Variants in COLEC10 observed in about 807,000 individuals in gnomAD.
COLEC10 encodes the protein collectin subfamily member 10.
In COLEC10, 22 loss-of-function variants were observed where a neutral mutation model predicts 28.4. The observed-to-expected ratio is 0.78, with a 90% confidence interval of 0.55 to 1.11. The LOEUF is 1.11. Ranked by LOEUF, COLEC10 falls within the 50% of genes least tolerant of loss-of-function variation. The probability of loss-of-function intolerance (pLI) is 0.00; values close to 1 mark genes in which losing one functional copy is unlikely to be tolerated. For missense variants in COLEC10, 361 were observed against 344.1 expected (o/e 1.05, Z -0.39); for synonymous variants, 125 against 116.1 (o/e 1.08, Z -0.49).
At chr8:118,970,612 C>A in the COLEC10 span, among the ~76,000 whole-genome samples, 6 of 150,314 alleles carry the variant, frequency 4.0e-5, no homozygotes, top group African/African-American at 1.5e-4. Flanking sequence ...TATGTTTATG[C>A]CTTTTCTTTC....
chr8:118,999,169 TTAA>T (rs1305559861), intron 1 of COLEC10, among the ~76,000 whole-genome samples: 1 of 152,184 alleles, frequency 6.6e-6, no homozygotes. Context: ...TTATTTGTTA[TTAA>T]TTTCTAATTA....
chr8:118,997,177 A>G (rs1813603564), intron 1 of COLEC10, among the ~76,000 whole-genome samples: 1 of 152,218 alleles, frequency 6.6e-6, no homozygotes. Flanking sequence ...CTATTGAATC[A>G]CATGAGTTCC....
At chr8:119,002,291 C>T (rs1813715979) in intron 1 of COLEC10, among the ~76,000 whole-genome samples, 2 of 151,872 alleles carry the variant, frequency 1.3e-5, no homozygotes, top group African/African-American at 4.8e-5. Context: ...ATTAATAAAA[C>T]ATCATAAATG....
intron 1 of COLEC10, among the ~76,000 whole-genome samples, chr8:119,078,976 G>C (rs1323511660): frequency 6.7e-6 from 1 of 148,842 alleles, no homozygotes; most frequent in Non-Finnish European, 1.5e-5. Context: ...GCATAAATCT[G>C]CTCTGGGAAA....
intron 1 of COLEC10, among the ~76,000 whole-genome samples, chr8:119,077,232 G>A (rs944243810): frequency 6.9e-6 from 1 of 145,384 alleles, no homozygotes; most frequent in South Asian, 2.2e-4. Flanking sequence ...GATTAGCCTG[G>A]GTAGAGAATG....
the COLEC10 span, among the ~76,000 whole-genome samples, chr8:118,988,946 T>A: frequency 1.4e-4 from 21 of 152,156 alleles, no homozygotes; most frequent in Non-Finnish European, 2.5e-4. Flanking sequence ...TCATAAGGCA[T>A]GCCAAAAGGC....
In COLEC10 at chr8:119,103,862, C is replaced by G; in HGVS notation, c.409C>G (p.Arg137Gly). Residue 137 changes from arginine (R) to glycine (G), a missense_variant, in exon 5 of 6, where the codon CGG becomes GGG. Physicochemically the swap from Arg to Gly is moderately radical, Grantham distance 125. Around this residue, in one of 3 missense-constraint regions of COLEC10, gnomAD observed 335 missense variants for 308.5 expected, o/e 1.09. Coordinates refer to ENST00000332843, the MANE Select transcript of COLEC10 (RefSeq NM_006438.5). ...FVGQLDISIA[R>G]LKTSMKFVKN... ...TGGACAACTGGATATTAGTATTGCTCGGCTCAAGACATCTATGAAGTTTGT... is the reference window on the plus strand; with the variant it reads ...TGGACAACTGGATATTAGTATTGCTGGGCTCAAGACATCTATGAAGTTTGT... 6.2e-7 allele frequency: 1 copy of G among 1,612,060 alleles called. No homozygotes were observed. Among genetic ancestry groups the G allele is most frequent in the African/African-American group, 1.3e-5 (1 of 74,886 alleles).
intron 1 of COLEC10, chr8:119,068,910 A>G (rs1009647426): frequency 2.6e-5 from 4 of 151,664 alleles, no homozygotes; most frequent in African/African-American, 9.7e-5. Flanking sequence ...TATCACATGG[A>G]CTCCAAATTT....
At chr8:118,965,214 T>C in the COLEC10 span, among the ~76,000 whole-genome samples, 4 of 151,858 alleles carry the variant, frequency 2.6e-5, no homozygotes, top group Admixed American at 2.0e-4. Flanking sequence ...TATTATAAGA[T>C]ACAGAGGCAG....
chr8:119,095,879 C>T (rs1238615965), intron 3 of COLEC10, among the ~76,000 whole-genome samples: 1 of 151,998 alleles, frequency 6.6e-6, no homozygotes, highest in Non-Finnish European at 1.5e-5. Flanking sequence ...TGAGTTTATA[C>T]ATTTATTAGG....
intron 1 of COLEC10, among the ~76,000 whole-genome samples, chr8:119,084,433 T>C (rs1255377862): frequency 2.0e-5 from 3 of 152,218 alleles, no homozygotes; most frequent in Non-Finnish European, 2.9e-5. Context: ...AGTTTCTTGA[T>C]CTATCAGTTC....
intron 2 of COLEC10, among the ~76,000 whole-genome samples, chr8:119,038,904 G>A (rs534491374): frequency 3.6e-4 from 54 of 151,756 alleles, no homozygotes; most frequent in Admixed American, 1.4e-3. Flanking sequence ...GCCTTTTTTT[G>A]AAATTTTTTG....
intron 2 of COLEC10, among the ~76,000 whole-genome samples, chr8:119,024,327 A>C (rs1449887442): frequency 2.0e-5 from 3 of 152,096 alleles, no homozygotes; most frequent in South Asian, 2.1e-4. Flanking sequence ...TAGGAAAAAA[A>C]CGTACTTTAA....
At chr8:118,965,510 C>T in the COLEC10 span, among the ~76,000 whole-genome samples, 138 of 152,120 alleles carry the variant, frequency 9.1e-4, no homozygotes, top group Non-Finnish European at 1.4e-3. Flanking sequence ...AACAAGATTC[C>T]TGGTAGGTTC....
intron 2 of COLEC10, among the ~76,000 whole-genome samples, chr8:119,018,224 C>T (rs1353376743): frequency 6.6e-6 from 1 of 152,178 alleles, no homozygotes; most frequent in South Asian, 2.1e-4. Context: ...ATTATTCTTT[C>T]GCCCCTAGGG....
At chr8:119,079,627 C>T (rs544340730) in intron 1 of COLEC10, among the ~76,000 whole-genome samples, 5 of 130,656 alleles carry the variant, frequency 3.8e-5, no homozygotes, top group Non-Finnish European at 6.3e-5. Context: ...CACCCACTTA[C>T]TCAGACATGC....
the COLEC10 span, among the ~76,000 whole-genome samples, chr8:118,980,343 C>G: frequency 6.6e-6 from 1 of 151,800 alleles, no homozygotes; most frequent in Admixed American, 6.6e-5. Context: ...CAGGCGAACA[C>G]CACCATGGCT....
intron 2 of COLEC10, among the ~76,000 whole-genome samples, chr8:119,049,406 T>C (rs866825585): frequency 1.2e-3 from 97 of 82,322 alleles, no homozygotes; most frequent in East Asian, 3.0e-3. Context: ...CTTTTCTTTT[T>C]TTTTTTTTTT....
At chr8:118,952,353 C>T in the COLEC10 span, among the ~76,000 whole-genome samples, 1 of 152,164 alleles carries the variant, frequency 6.6e-6, no homozygotes, top group South Asian at 2.1e-4. Flanking sequence ...TGTCCCAGAC[C>T]TTTGTCCTCT....
Sources: allele counts gnomAD v4.1 joint callset (sites outside exome capture counted in the v4.1 genomes callset), GRCh38; gene constraint gnomAD v4.1.1; regional missense constraint gnomAD v4.1.1; transcripts MANE v1.5; gene names NCBI Gene and HGNC (gene_info 2026-07-23, HGNC 2026-07-21).